SYNCRIP: variants seen among roughly 807,000 people sequenced by gnomAD.
The protein encoded by SYNCRIP is heterogeneous nuclear ribonucleoprotein Q.
Under a neutral mutation model 68.9 loss-of-function variants are expected in SYNCRIP, and 9 were observed. The observed-to-expected ratio is 0.13, with a 90% CI of 0.08 to 0.23. SYNCRIP has a LOEUF of 0.23. SYNCRIP is among the 10% of genes least tolerant of loss of function. The probability of loss-of-function intolerance (pLI) is 1.00; values close to 1 mark genes in which losing one functional copy is unlikely to be tolerated. For missense variants in SYNCRIP, 414 were observed against 770.6 expected, an observed-to-expected ratio of 0.54 and a Z score of 5.48; for synonymous variants, 258 against 254.0, an observed-to-expected ratio of 1.02 and a Z score of -0.15.
At position 85,626,119 on chromosome 6, in the gene SYNCRIP, CTT is replaced by C. The variant is rs1397182849; in HGVS notation, c.667-2009_667-2008del. Among the ~76,000 whole-genome samples the C allele has an allele frequency of 1.1e-4, 16 of 152,320 alleles. No homozygotes were observed. The East Asian group carries it at 2.9e-3, about 27-fold the overall frequency. ...CTTTCTCTTCTACCAGACTAATAATCTTTTAACAGCAGAAACATGTTACCTGA... is the reference window on the plus strand; with the variant it reads ...CTTTCTCTTCTACCAGACTAATAATCTTAACAGCAGAAACATGTTACCTGA... On this transcript the variant is annotated intron_variant, in intron 6 of 10. Transcript: ENST00000369622.
intron 6 of SYNCRIP, among the ~76,000 whole-genome samples, chr6:85,629,896 A>C (rs1463271369): frequency 6.6e-6 from 1 of 151,684 alleles, no homozygotes; most frequent in African/African-American, 2.4e-5. Context: ...AGGCAGCAGA[A>C]TCTCCTGAAC....
At chr6:85,640,191 T>TA (rs1808966955) in intron 4 of SYNCRIP, 30 bp downstream of exon 4, 5 of 1,494,008 alleles carry the variant, frequency 3.3e-6, no homozygotes, top group Non-Finnish European at 4.6e-6. Context: ...AAAATGACTT[T>TA]AAAACTAAAG....
At chr6:85,637,599 A>T (rs1219664124) in intron 4 of SYNCRIP, among the ~76,000 whole-genome samples, 1 of 152,256 alleles carries the variant, frequency 6.6e-6, no homozygotes, top group African/African-American at 2.4e-5. Flanking sequence ...ATTACTGAAT[A>T]GTGTGCTTAA....
chr6:85,631,341 A>AAAAAAAAAAAAAG (rs1807755225), intron 6 of SYNCRIP, among the ~76,000 whole-genome samples: 2 of 146,972 alleles, frequency 1.4e-5, no homozygotes, highest in African/African-American at 2.5e-5. Context: ...TGTGTCTCCA[A>AAAAAAAAAAAAAG]AAAAAAAAAA....
intron 4 of SYNCRIP, among the ~76,000 whole-genome samples, chr6:85,639,184 G>A (rs892305141): frequency 6.6e-6 from 1 of 151,976 alleles, no homozygotes; most frequent in East Asian, 1.9e-4. Flanking sequence ...CTCCAGCCTG[G>A]GTGACAGAGT....
intron 6 of SYNCRIP, among the ~76,000 whole-genome samples, chr6:85,625,228 T>C (rs1806900117): frequency 6.6e-6 from 1 of 152,164 alleles, no homozygotes; most frequent in Non-Finnish European, 1.5e-5. Context: ...GTACAGGCTA[T>C]TCAAGTGTGT....
At chr6:85,633,625 G>A (rs916077887) in intron 6 of SYNCRIP, among the ~76,000 whole-genome samples, 1 of 152,086 alleles carries the variant, frequency 6.6e-6, no homozygotes, top group African/African-American at 2.4e-5. Flanking sequence ...AAAAGCAAAT[G>A]ATGGTATGAC....
At chr6:85,615,734 C>T (rs772031715) in intron 10 of SYNCRIP, among the ~76,000 whole-genome samples, 16 of 152,188 alleles carry the variant, frequency 1.1e-4, no homozygotes, top group Admixed American at 4.6e-4. Flanking sequence ...CGCTTGAACC[C>T]AGGTGGCGGA....
intron 1 of SYNCRIP, among the ~76,000 whole-genome samples, chr6:85,642,474 C>T (rs1809316153): frequency 6.6e-6 from 1 of 152,166 alleles, no homozygotes; most frequent in Non-Finnish European, 1.5e-5. Flanking sequence ...AAGACCCACT[C>T]CTCTCCGCCC....
In SYNCRIP at chr6:85,618,950, T is replaced by C. The variant is rs199564722; in HGVS notation, c.1159-11A>G. 2.3e-5 allele frequency: 37 copies of C among 1,598,012 alleles called. No individual in the cohort carries two copies. The highest frequency in any genetic ancestry group is 2.7e-5 in the Non-Finnish European group (32 of 1,172,276). Reference sequence around the variant, plus strand: ...CATTTCTTCCATAGCCTTAAAAAATTAGATAAGTCAATATAAAAATAGGAC... The same window carrying C: ...CATTTCTTCCATAGCCTTAAAAAATCAGATAAGTCAATATAAAAATAGGAC... On this transcript the variant is annotated splice_polypyrimidine_tract_variant and intron_variant, in intron 9 of 10. Transcript: ENST00000369622.
At chr6:85,628,303 G>C (rs566727390) in intron 6 of SYNCRIP, among the ~76,000 whole-genome samples, 1 of 152,112 alleles carries the variant, frequency 6.6e-6, no homozygotes, top group African/African-American at 2.4e-5. Context: ...TGATCCGCCC[G>C]CCTCAGCCTC....
chr6:85,629,442 G>A (rs1282222076), intron 6 of SYNCRIP, among the ~76,000 whole-genome samples: 1 of 143,250 alleles, frequency 7.0e-6, no homozygotes, highest in Admixed American at 7.6e-5. Context: ...CAAAATGGCT[G>A]TTCATGAGGC....
chr6:85,623,996 T>C lies in SYNCRIP; in HGVS notation c.783A>G (p.Glu261=), dbSNP rs754680045. The C allele has an allele frequency of 1.1e-5, 17 of 1,613,868 alleles. No homozygotes were observed. The South Asian group carries it at 1.8e-4, about 17-fold the overall frequency. The change falls in exon 7 of 11, where the codon GAA becomes GAG. Residue 261 remains glutamate, a synonymous_variant. Coordinates refer to ENST00000369622, the MANE Select transcript of SYNCRIP (RefSeq NM_006372.5). ...PKSKTKEQIL[E]EFSKVTEGLT... ...ACTTACCTGTTACTTTGCTAAATTC[T>C]TCAAGAATCTGTTCCTTGGTTTTAC...
At chr6:85,641,225 T>G in intron 2 of SYNCRIP, 67 bp downstream of exon 2, 1 of 1,412,556 alleles carries the variant, frequency 7.1e-7, no homozygotes. Context: ...AAGTTGCTAT[T>G]TTAGCTCAAA....
chr6:85,629,540 A>G (rs1032963250), intron 6 of SYNCRIP, among the ~76,000 whole-genome samples: 59 of 148,838 alleles, frequency 4.0e-4, no homozygotes, highest in Non-Finnish European at 6.6e-4. Flanking sequence ...AAAAAAAAAA[A>G]GGGCCGGGTG....
intron 6 of SYNCRIP, among the ~76,000 whole-genome samples, chr6:85,630,720 TAAG>T (rs1237772946): frequency 2.0e-5 from 3 of 152,144 alleles, no homozygotes. Context: ...ATGAGTTACA[TAAG>T]AATATTAGAG....
chr6:85,627,222 C>T (rs985325750), intron 6 of SYNCRIP, among the ~76,000 whole-genome samples: 1 of 148,954 alleles, frequency 6.7e-6, no homozygotes, highest in African/African-American at 2.5e-5. Context: ...GAGCCCAGAT[C>T]GCGCCACTGC....
chr6:85,623,571 A>AAAAAAAAAAAAAAAAAAAC (rs1562087648), intron 7 of SYNCRIP, among the ~76,000 whole-genome samples: 63 of 147,970 alleles, frequency 4.3e-4, no homozygotes, highest in African/African-American at 1.6e-3. Flanking sequence ...CCAAAAAAAA[A>AAAAAAAAAAAAAAAAAAAC]AAAAAAAAAA....
rs141449907 is a variant in SYNCRIP, at chr6:85,634,567, T to C, written c.666+2400A>G. 2.1e-3 allele frequency among the ~76,000 whole-genome samples: 320 copies of C among 149,952 alleles called. 1 individual carries two copies. Among genetic ancestry groups the C allele is most frequent in the Non-Finnish European group, 3.1e-3 (210 of 67,194 alleles). The stretch of plus-strand genomic sequence containing the variant: ...CACATAACCTACGAACATTCTCTCA[T>C]ACACTGGTGTGTTGTTTTTTTTTTT... On this transcript the variant is annotated intron_variant, in intron 6 of 10. Coordinates refer to ENST00000369622, the MANE Select transcript of SYNCRIP (RefSeq NM_006372.5).
Sources: gnomAD v4.1 joint callset for allele counts (sites outside exome capture counted in the v4.1 genomes callset) on GRCh38, gnomAD v4.1.1 for gene constraint, MANE v1.5 for transcripts, NCBI Gene and HGNC (gene_info 2026-07-23, HGNC 2026-07-21) for gene names.